KCNIP4: variants seen among roughly 807,000 people sequenced by gnomAD.
KCNIP4 encodes Kv channel-interacting protein 4.
A neutral mutation model predicts 34.0 loss-of-function variants in KCNIP4; 12 were observed. That is an observed-to-expected ratio of 0.35 (90% CI 0.23 to 0.57). KCNIP4 has a LOEUF of 0.57. Among genes scored for constraint, KCNIP4 ranks in the 20% least tolerant of loss-of-function variants. The pLI, the probability that KCNIP4 is intolerant of heterozygous loss-of-function variation, is 0.83. For missense variants in KCNIP4, 238 were observed against 311.7 expected, an observed-to-expected ratio of 0.76 and a Z score of 1.78; for synonymous variants, 124 against 102.2, an observed-to-expected ratio of 1.21 and a Z score of -1.29.
chr4:21,898,535 G>A (rs1727530332), intron 1 of KCNIP4, among the ~76,000 whole-genome samples: 1 of 152,098 alleles, frequency 6.6e-6, no homozygotes, highest in Admixed American at 6.5e-5. Flanking sequence ...ACACAGCCTA[G>A]GCCAGAAGGG....
intron 1 of KCNIP4, among the ~76,000 whole-genome samples, chr4:21,137,874 T>TTTTTTC (rs1236628228): frequency 0.011 from 1,521 of 135,804 alleles, 63 homozygotes; most frequent in African/African-American, 0.041. Context: ...ACACAGGCTT[T>TTTTTTC]TTTGTTTTTT....
chr4:20,759,866 G>A (rs1454084554), intron 3 of KCNIP4, among the ~76,000 whole-genome samples: 1 of 152,122 alleles, frequency 6.6e-6, no homozygotes, highest in Non-Finnish European at 1.5e-5. Flanking sequence ...GATATTAACT[G>A]TATGGTGATC....
At chr4:21,594,831 A>T (rs1298979763) in intron 1 of KCNIP4, among the ~76,000 whole-genome samples, 1 of 152,042 alleles carries the variant, frequency 6.6e-6, no homozygotes, top group Admixed American at 6.6e-5. Context: ...ATACTGTCTC[A>T]GGGTTTCCTT....
chr4:21,757,143 G>T (rs1044049926), intron 1 of KCNIP4, among the ~76,000 whole-genome samples: 1 of 25,064 alleles, frequency 4.0e-5, no homozygotes, highest in South Asian at 1.3e-3. Context: ...AAGAAAGAAA[G>T]AAAGAAAGAA....
At chr4:21,747,882 G>A (rs112191948) in intron 1 of KCNIP4, among the ~76,000 whole-genome samples, 1,679 of 152,040 alleles carry the variant, frequency 0.011, 12 homozygotes, top group Middle Eastern at 0.02. Flanking sequence ...TGCAATGAAA[G>A]TGTTTTTACA....
chr4:21,550,896 G>T (rs1738530936), intron 1 of KCNIP4, among the ~76,000 whole-genome samples: 1 of 152,060 alleles, frequency 6.6e-6, no homozygotes. Flanking sequence ...TAATTTCAGA[G>T]AGTACCTCCT....
intron 1 of KCNIP4, among the ~76,000 whole-genome samples, chr4:21,510,894 G>C (rs1302295977): frequency 4.0e-5 from 6 of 151,296 alleles, no homozygotes; most frequent in Admixed American, 4.0e-4. Flanking sequence ...AAAATAAAAA[G>C]TTAGCTGGGC....
intron 1 of KCNIP4, among the ~76,000 whole-genome samples, chr4:21,753,510 A>G (rs1257501981): frequency 6.6e-6 from 1 of 152,222 alleles, no homozygotes; most frequent in Non-Finnish European, 1.5e-5. Context: ...AATGAATAAA[A>G]GAAAAGAGAA....
At chr4:20,935,137 C>A (rs1171151896) in intron 1 of KCNIP4, among the ~76,000 whole-genome samples, 1 of 152,086 alleles carries the variant, frequency 6.6e-6, no homozygotes, top group Non-Finnish European at 1.5e-5. Flanking sequence ...AACTTGATTG[C>A]ACCTAAAGAG....
intron 1 of KCNIP4, among the ~76,000 whole-genome samples, chr4:21,364,195 C>T (rs1017310507): frequency 6.6e-6 from 1 of 152,126 alleles, no homozygotes; most frequent in Non-Finnish European, 1.5e-5. Context: ...CTTACAACAA[C>T]CATATTATTT....
intron 2 of KCNIP4, among the ~76,000 whole-genome samples, chr4:20,866,572 C>T (rs1302716812): frequency 6.6e-6 from 1 of 151,950 alleles, no homozygotes; most frequent in Non-Finnish European, 1.5e-5. Context: ...GCAAAAGCTC[C>T]AACCATTCTT....
chr4:21,076,853 T>C (rs1164123860), intron 1 of KCNIP4, among the ~76,000 whole-genome samples: 1 of 152,154 alleles, frequency 6.6e-6, no homozygotes, highest in Non-Finnish European at 1.5e-5. Flanking sequence ...CTGGGTGCAG[T>C]GGCTAGTGCT....
At chr4:21,456,305 T>C (rs1460570181) in intron 1 of KCNIP4, among the ~76,000 whole-genome samples, 3 of 147,416 alleles carry the variant, frequency 2.0e-5, no homozygotes, top group African/African-American at 8.0e-5. Context: ...TGAAGTCGGA[T>C]CAAGATTTGC....
chr4:21,048,343 T>G (rs1742618048), intron 1 of KCNIP4, among the ~76,000 whole-genome samples: 1 of 152,188 alleles, frequency 6.6e-6, no homozygotes, highest in African/African-American at 2.4e-5. Context: ...GGCTGTTCAC[T>G]GGCTTGGCTT....
intron 1 of KCNIP4, among the ~76,000 whole-genome samples, chr4:21,715,818 T>G (rs902371081): frequency 2.0e-5 from 3 of 152,224 alleles, no homozygotes; most frequent in Non-Finnish European, 4.4e-5. Flanking sequence ...CCTGAAAATC[T>G]CTACTGTTTC....
chr4:20,935,896 C>T (rs995437822), intron 1 of KCNIP4, among the ~76,000 whole-genome samples: 6 of 151,456 alleles, frequency 4.0e-5, no homozygotes, highest in Admixed American at 6.6e-5. Flanking sequence ...ATCATCATCA[C>T]TCCCTCCTCT....
chr4:21,042,661 T>C (rs942316543), intron 1 of KCNIP4, among the ~76,000 whole-genome samples: 4 of 152,208 alleles, frequency 2.6e-5, no homozygotes, highest in Non-Finnish European at 2.9e-5. Context: ...ATTGCATATT[T>C]AAAGCTAGCT....
chr4:21,070,816 T>C (rs1220728334), intron 1 of KCNIP4, among the ~76,000 whole-genome samples: 2 of 151,168 alleles, frequency 1.3e-5, no homozygotes, highest in Admixed American at 6.6e-5. Context: ...GCTGGGACTA[T>C]AGGCGCCGGC....
At chr4:21,361,904 C>T (rs1206514834) in intron 1 of KCNIP4, among the ~76,000 whole-genome samples, 2 of 152,056 alleles carry the variant, frequency 1.3e-5, no homozygotes, top group Non-Finnish European at 2.9e-5. Context: ...GTAAAGGCAG[C>T]TGTGAGCTCC....
Sources: gnomAD v4.1 joint callset for allele counts (sites outside exome capture counted in the v4.1 genomes callset) on GRCh38, gnomAD v4.1.1 for gene constraint, MANE v1.5 for transcripts, NCBI Gene and HGNC (gene_info 2026-07-23, HGNC 2026-07-21) for gene names.